The following USP6NL variants were observed in gnomAD, a reference collection of about 807,000 sequenced individuals.
USP6NL encodes USP6 N-terminal-like protein.
A neutral mutation model predicts 61.9 loss-of-function variants in USP6NL; 26 were observed. The observed-to-expected ratio is 0.42, with a 90% CI of 0.31 to 0.58. The LOEUF (loss-of-function observed/expected upper bound fraction) is 0.58. Among genes scored for constraint, USP6NL ranks in the 20% least tolerant of loss-of-function variants. The probability of loss-of-function intolerance (pLI) is 0.16; values close to 1 mark genes in which losing one functional copy is unlikely to be tolerated. For missense variants in USP6NL, 1,114 were observed against 1,034.3 expected, an observed-to-expected ratio of 1.08 and a Z score of -1.06; for synonymous variants, 432 against 390.1, an observed-to-expected ratio of 1.11 and a Z score of -1.27.
chr10:11,499,828 T>A lies in USP6NL; in HGVS notation c.384+1273A>T, dbSNP rs1356285262. ...GAGAGTTCTGTTGTTTTGAGCCGCT[T>A]AGTTTGTGGTACTTGGTTACAGCAG... On this transcript the variant is annotated intron_variant, in intron 7 of 14. Transcript: ENST00000609104. This position sits in a 1 kb window ranked among gnomAD's most constrained non-coding sequence, Gnocchi z 4.5. Among the ~76,000 whole-genome samples the A allele has an allele frequency of 6.6e-6, 1 of 152,228 alleles. No individual in the cohort carries two copies. The highest frequency in any genetic ancestry group is 1.5e-5 in the Non-Finnish European group (1 of 68,028).
rs568944611 is a variant in USP6NL at position 11,476,540 on chromosome 10, C to T, written c.1078+5230G>A. On this transcript the variant is annotated intron_variant, in intron 14 of 14. Coordinates refer to ENST00000609104, the MANE Select transcript of USP6NL (RefSeq NM_014688.5). The surrounding 1 kb of genome is among the most constrained non-coding windows in gnomAD (Gnocchi z 4.3). The stretch of plus-strand genomic sequence containing the variant: ...GAAATAAAATAAAGGTACAAAAATG[C>T]TAACAATAGTTAAATCTATGAGGTG... 1.3e-5 allele frequency among the ~76,000 whole-genome samples: 2 copies of T among 152,116 alleles called. No homozygotes were observed. The highest frequency in any genetic ancestry group is 2.9e-5 in the Non-Finnish European group (2 of 68,012).
At chr10:11,560,882 T>TA (rs1455387328) in intron 2 of USP6NL, among the ~76,000 whole-genome samples, 3 of 151,846 alleles carry the variant, frequency 2.0e-5, no homozygotes, top group Admixed American at 2.0e-4. Context: ...AAGTCAAAGT[T>TA]AAGACTAGAA....
chr10:11,557,664 C>A (rs1836765022), intron 2 of USP6NL, among the ~76,000 whole-genome samples: 1 of 152,130 alleles, frequency 6.6e-6, no homozygotes, highest in African/African-American at 2.4e-5. Context: ...CACGAAAGAA[C>A]AAGAGAGCTG....
intron 13 of USP6NL, among the ~76,000 whole-genome samples, chr10:11,483,490 G>C (rs1196083179): frequency 1.6e-5 from 2 of 121,598 alleles, no homozygotes; most frequent in African/African-American, 6.7e-5. Context: ...AAGTGGGGGG[G>C]GAGGGGAGGG....
Position 11,562,097 on chromosome 10 carries a change from A to T in USP6NL, c.5-34530T>A, listed in dbSNP as rs1256199643. 6.6e-6 allele frequency among the ~76,000 whole-genome samples: 1 copy of T among 152,048 alleles called. No homozygotes were observed. The highest frequency in any genetic ancestry group is 2.4e-5 in the African/African-American group (1 of 41,402). On this transcript the variant is annotated intron_variant, in intron 2 of 14. Coordinates refer to ENST00000609104, the MANE Select transcript of USP6NL (RefSeq NM_014688.5). This position sits in a 1 kb window ranked among gnomAD's most constrained non-coding sequence, Gnocchi z 4.8. The stretch of plus-strand genomic sequence containing the variant: ...AGTTTAAGACCAGCCTGGCCAACAT[A>T]GTGAAACTCCGTCTCTACTAAAAAT...
intron 6 of USP6NL, among the ~76,000 whole-genome samples, chr10:11,504,625 G>A (rs994341814): frequency 5.9e-5 from 9 of 152,138 alleles, no homozygotes; most frequent in African/African-American, 1.9e-4. Context: ...ACTCATAAAC[G>A]AACATCATTC....
chr10:11,542,950 C>G (rs1352858748), intron 2 of USP6NL, among the ~76,000 whole-genome samples: 2 of 152,098 alleles, frequency 1.3e-5, no homozygotes. Context: ...ACTGGGTAAT[C>G]TACCGCAGGA....
In USP6NL at chr10:11,596,343, C is replaced by T. The variant is rs1200971568; in HGVS notation, c.4+1288G>A. ...GAAATAACAAAAGCTCTTTCTTGGC[C>T]GGGCGCGGTGGCTCACGCCTGTAAT... On this transcript the variant is annotated intron_variant, in intron 2 of 14. Coordinates refer to ENST00000609104, the MANE Select transcript of USP6NL (RefSeq NM_014688.5). This position sits in a 1 kb window ranked among gnomAD's most constrained non-coding sequence, Gnocchi z 4.1. 1.3e-5 allele frequency among the ~76,000 whole-genome samples: 2 copies of T among 152,134 alleles called. No homozygotes were observed. The highest frequency in any genetic ancestry group is 2.9e-5 in the Non-Finnish European group (2 of 68,020).
chr10:11,610,757 G>T (rs1333732404), intron 1 of USP6NL, among the ~76,000 whole-genome samples: 2 of 151,850 alleles, frequency 1.3e-5, no homozygotes, highest in Non-Finnish European at 2.9e-5. Flanking sequence ...ATTAAATGTT[G>T]GGAAAGAAAG....
chr10:11,569,580 T>G (rs2133565171), intron 2 of USP6NL, among the ~76,000 whole-genome samples: 1 of 152,252 alleles, frequency 6.6e-6, no homozygotes, highest in Middle Eastern at 3.4e-3. Flanking sequence ...GAACATGCTT[T>G]TTGGCAGGAG....
In USP6NL at chr10:11,462,776, T is replaced by C; in HGVS notation, c.2152A>G (p.Lys718Glu). ...GGYSGNSGSP[K>E]NGKLIIPPVD... ...GGTGGAATGATCAATTTTCCATTCT[T>C]TGGTGACCCTGAATTGCCCGAATAT... The change falls in exon 15 of 15, where the codon AAG (lysine) becomes GAG (glutamate). Residue 718 changes from lysine to glutamate, a missense_variant. Physicochemically the swap from Lys to Glu is moderately conservative, Grantham distance 56. Transcript: ENST00000609104. 1.2e-6 allele frequency: 2 copies of C among 1,614,056 alleles called. No homozygotes were observed. The highest frequency in any genetic ancestry group is 1.6e-4 in the Middle Eastern group (1 of 6,062).
intron 14 of USP6NL, among the ~76,000 whole-genome samples, chr10:11,467,241 T>C (rs181008046): frequency 6.6e-6 from 1 of 152,176 alleles, no homozygotes; most frequent in East Asian, 1.9e-4. Flanking sequence ...ATGCCCTATA[T>C]AGAAAAATTA....
intron 6 of USP6NL, among the ~76,000 whole-genome samples, chr10:11,503,742 T>G (rs1379796686): frequency 3.3e-5 from 5 of 152,238 alleles, no homozygotes; most frequent in African/African-American, 1.2e-4. Context: ...AAGCTATTTA[T>G]GGATATTTAC....
Position 11,490,941 on chromosome 10 carries a change from A to T in USP6NL, c.495-61T>A. 1 of 1,414,020 alleles carries T rather than the reference A, an allele frequency of 7.1e-7. No individual in the cohort carries two copies. The highest frequency in any genetic ancestry group is 2.5e-5 in the East Asian group (1 of 39,776). The allele number at this position is 1,414,020 out of a possible 1,614,324, so 87.6% of individuals were successfully genotyped here. A position where few individuals can be genotyped will look rare whatever the true frequency, so the allele number is the denominator to read the frequency against. On this transcript the variant is annotated intron_variant, in intron 8 of 14. Transcript: ENST00000609104. This position sits in a 1 kb window ranked among gnomAD's most constrained non-coding sequence, Gnocchi z 4.5. ...AATTTCACATATTTTAAAAATTACA[A>T]ACTTAAAAAAATAAACCAAAGACTG...
chr10:11,544,121 G>C (rs2133464038), intron 2 of USP6NL, among the ~76,000 whole-genome samples: 1 of 152,032 alleles, frequency 6.6e-6, no homozygotes, highest in East Asian at 1.9e-4. Flanking sequence ...CAATATTTAG[G>C]TTTCTTTACG....
intron 6 of USP6NL, among the ~76,000 whole-genome samples, chr10:11,506,087 G>C (rs1834419890): frequency 6.6e-6 from 1 of 152,104 alleles, no homozygotes. Context: ...CTCTAAGTCT[G>C]GACATTCTTT....
chr10:11,489,002 T>A lies in USP6NL; in HGVS notation c.664+100A>T. 6.7e-7 allele frequency: 1 copy of A among 1,493,016 alleles called. No individual in the cohort carries two copies. Among genetic ancestry groups the A allele is most frequent in the African/African-American group, 1.4e-5 (1 of 71,894 alleles). 92.5% of individuals were successfully genotyped at this position (1,493,016 alleles called of 1,614,324 possible). ...ATGAACTCAACGAGCCCTGAGACAT[T>A]AAATTTGCTGTATGTAACTCTTGCA... On this transcript the variant is annotated intron_variant, in intron 10 of 14. Transcript: ENST00000609104. The surrounding 1 kb of genome is among the most constrained non-coding windows in gnomAD (Gnocchi z 5.7).
At chr10:11,483,593 A>AG (rs1205746625) in intron 13 of USP6NL, among the ~76,000 whole-genome samples, 4 of 15,628 alleles carry the variant, frequency 2.6e-4, no homozygotes, top group African/African-American at 1.1e-3. Flanking sequence ...AGAGGGAGAG[A>AG]GGGGGAGGGG....
Position 11,562,362 on chromosome 10 carries a change from T to C in USP6NL, c.5-34795A>G, listed in dbSNP as rs923087391. ...ATGGCTTAAGGAAAAGCTTTTGCAT[T>C]CCTTACACAGGTGACACCAACTTCA... On this transcript the variant is annotated intron_variant, in intron 2 of 14. Transcript: ENST00000609104. The surrounding 1 kb of genome is among the most constrained non-coding windows in gnomAD (Gnocchi z 4.8). The C allele has an allele frequency of 4.3e-5, 42 of 985,074 alleles. No homozygotes were observed. Among genetic ancestry groups the C allele is most frequent in the Middle Eastern group, 1.0e-3 (2 of 1,914 alleles). The allele number at this position is 985,074 out of a possible 1,614,324, so 61.0% of individuals were successfully genotyped here. A position where few individuals can be genotyped will look rare whatever the true frequency, so the allele number is the denominator to read the frequency against.
Sources: gnomAD v4.1 joint callset for allele counts (sites outside exome capture counted in the v4.1 genomes callset) on GRCh38, gnomAD v4.1.1 for gene constraint, Gnocchi (gnomAD v3.1) non-coding constraint, MANE v1.5 for transcripts, NCBI Gene and HGNC (gene_info 2026-07-23, HGNC 2026-07-21) for gene names.